The following UBE3A variants were observed in gnomAD, a reference collection of about 807,000 sequenced individuals.
UBE3A encodes ubiquitin-protein ligase E3A.
A neutral mutation model predicts 83.4 loss-of-function variants in UBE3A; 6 were observed. The ratio of observed to expected loss-of-function variants is 0.07; its 90% CI spans 0.04 to 0.14. UBE3A has a LOEUF of 0.14. Among genes scored for constraint, UBE3A ranks in the 10% least tolerant of loss-of-function variants. UBE3A has a pLI of 1.00. For synonymous variants in UBE3A, 337 were observed against 355.4 expected (o/e 0.95, Z 0.58); for missense variants, 456 against 1,036.1 (o/e 0.44, Z 7.69).
At chr15:25,341,045 CAT>C (rs1430298186) in intron 11 of UBE3A, among the ~76,000 whole-genome samples, 10 of 152,098 alleles carry the variant, frequency 6.6e-5, no homozygotes, top group Non-Finnish European at 1.0e-4. Flanking sequence ...ATCTATAAAA[CAT>C]ATATACACTA....
intron 1 of UBE3A, among the ~76,000 whole-genome samples, chr15:25,427,941 G>A (rs1165653737): frequency 2.6e-5 from 4 of 152,018 alleles, no homozygotes; most frequent in East Asian, 1.9e-4. Flanking sequence ...GCAGGAACAC[G>A]GATGGAACAA....
intron 4 of UBE3A, among the ~76,000 whole-genome samples, chr15:25,395,446 T>A (rs577685596): frequency 6.6e-6 from 1 of 152,058 alleles, no homozygotes; most frequent in Admixed American, 6.6e-5. Context: ...TTAAAAAAAA[T>A]AAAATGAATT....
intron 11 of UBE3A, among the ~76,000 whole-genome samples, chr15:25,353,342 C>G (rs1486188171): frequency 6.6e-6 from 1 of 152,166 alleles, no homozygotes; most frequent in Non-Finnish European, 1.5e-5. Flanking sequence ...AAGTAACATA[C>G]AGCCATCCCT....
chr15:25,392,873 AT>A (rs2152968207), intron 4 of UBE3A, among the ~76,000 whole-genome samples: 1 of 152,346 alleles, frequency 6.6e-6, no homozygotes, highest in Admixed American at 6.5e-5. Flanking sequence ...CTCAATAGCC[AT>A]GATAAGTAAT....
chr15:25,385,188 TTC>T (rs2082893664), intron 4 of UBE3A, among the ~76,000 whole-genome samples: 2 of 152,106 alleles, frequency 1.3e-5, no homozygotes, highest in Admixed American at 1.3e-4. Flanking sequence ...GAGAAAATAT[TTC>T]TATACCATGT....
chr15:25,418,666 G>A (rs1335537528), intron 1 of UBE3A: 1 of 152,076 alleles, frequency 6.6e-6, no homozygotes, highest in African/African-American at 2.4e-5. Context: ...TCTGGCAAAG[G>A]TGTATACATT....
chr15:25,436,502 C>T (rs1293565497), intron 1 of UBE3A, among the ~76,000 whole-genome samples: 4 of 152,082 alleles, frequency 2.6e-5, no homozygotes, highest in Admixed American at 2.6e-4. Context: ...CTGACTGACA[C>T]TGAGAGAAAC....
intron 4 of UBE3A, among the ~76,000 whole-genome samples, chr15:25,385,091 C>T (rs2082873118): frequency 6.6e-6 from 1 of 152,068 alleles, no homozygotes. Flanking sequence ...GCAACCAAAG[C>T]AAAAATAGAC....
At chr15:25,394,448 T>C (rs1596078695) in intron 4 of UBE3A, among the ~76,000 whole-genome samples, 1 of 152,202 alleles carries the variant, frequency 6.6e-6, no homozygotes. Flanking sequence ...GAACCACTTA[T>C]TTGATTAAAG....
chr15:25,429,868 G>A (rs113921600), intron 1 of UBE3A, among the ~76,000 whole-genome samples: 6 of 149,364 alleles, frequency 4.0e-5, no homozygotes, highest in African/African-American at 1.5e-4. Context: ...AGCCGGGCGT[G>A]GTAGTGCACA....
rs2077999474 is a variant in UBE3A, at chr15:25,361,096, G to A, written c.1609-569C>T. Among the ~76,000 whole-genome samples the A allele has an allele frequency of 2.6e-5, 4 of 151,158 alleles. No homozygotes were observed. The East Asian group carries it at 7.8e-4, about 30-fold the overall frequency. ...TATATCCACATTTCCTTAAAAACAG[G>A]TGAGACATAACCTTACTCATGTCCT... On this transcript the variant is annotated intron_variant, in intron 6 of 12. Transcript: ENST00000648336.
At chr15:25,367,244 T>TTAA (rs1566941669) in intron 6 of UBE3A, among the ~76,000 whole-genome samples, 1 of 78,132 alleles carries the variant, frequency 1.3e-5, no homozygotes, top group Admixed American at 1.1e-4. Context: ...AATATGTAAA[T>TTAA]ATTTGCATAT....
rs376335924 is a variant in UBE3A, at chr15:25,337,991, A to ATAGTT, written c.*1141_*1145dup. 164 of 152,238 alleles carry ATAGTT rather than the reference A, an allele frequency of 1.1e-3. No homozygotes were observed. Among genetic ancestry groups the ATAGTT allele is most frequent in the African/African-American group, 3.9e-3 (161 of 41,558 alleles). 9.4% of individuals were successfully genotyped at this position (152,238 alleles called of 1,614,324 possible). On this transcript the variant is annotated 3_prime_UTR_variant, in exon 13 of 13. Coordinates refer to ENST00000648336, the MANE Select transcript of UBE3A (RefSeq NM_130839.5). ...CTATACAATGTAATTCTTAGGAGTA[A>ATAGTT]TAGTTTCATTCATTTCCAGGTCAGC... is the stretch of plus-strand genomic sequence containing the variant.
At chr15:25,364,124 G>A (rs1300576710) in intron 6 of UBE3A, among the ~76,000 whole-genome samples, 1 of 151,950 alleles carries the variant, frequency 6.6e-6, no homozygotes, top group Non-Finnish European at 1.5e-5. Context: ...TACTTGGGAG[G>A]CTGAGGTGGG....
chr15:25,374,106 AC>A (rs1481730822), intron 5 of UBE3A: 4 of 152,226 alleles, frequency 2.6e-5, no homozygotes, highest in African/African-American at 7.2e-5. Flanking sequence ...TTTCCAATAT[AC>A]AATAGTAACT....
chr15:25,403,828 G>A (rs1225025457), intron 4 of UBE3A, among the ~76,000 whole-genome samples: 1 of 152,118 alleles, frequency 6.6e-6, no homozygotes, highest in African/African-American at 2.4e-5. Context: ...ATGACACTGC[G>A]AAGTAAAATA....
intron 1 of UBE3A, among the ~76,000 whole-genome samples, chr15:25,424,865 A>G (rs1223724027): frequency 6.6e-6 from 1 of 152,208 alleles, no homozygotes; most frequent in Admixed American, 6.5e-5. Context: ...AAATTAAAGA[A>G]CACCTTAATA....
chr15:25,370,410 G>A lies in UBE3A; in HGVS notation c.1608+156C>T, dbSNP rs1389594723. On this transcript the variant is annotated intron_variant, in intron 6 of 12. Transcript: ENST00000648336. This position sits in a 1 kb window ranked among gnomAD's most constrained non-coding sequence, Gnocchi z 4.2. ...TAGAACACATCTATAAACTTGCACA[G>A]GAACAACAAAAGTATAATACTTATA... Among the ~76,000 whole-genome samples, 1 of 152,070 alleles carries A rather than the reference G, an allele frequency of 6.6e-6. No homozygotes were observed. The highest frequency in any genetic ancestry group is 1.5e-5 in the Non-Finnish European group (1 of 67,992).
At position 25,334,210 on chromosome 15, in the gene UBE3A, A is replaced by G. The variant is rs1257117451; in HGVS notation, c.*4927T>C. ...GCAAAAAATACTAAGTGACAAAAAA[A>G]GAATTTTAGAAAAGCTACAATATAC... On this transcript the variant is annotated 3_prime_UTR_variant, in exon 13 of 13. Transcript: ENST00000648336. The G allele has an allele frequency of 6.6e-6, 1 of 152,220 alleles. No homozygotes were observed. The highest frequency in any genetic ancestry group is 1.5e-5 in the Non-Finnish European group (1 of 68,040). 9.4% of individuals were successfully genotyped at this position (152,220 alleles called of 1,614,324 possible). A position where few individuals can be genotyped will look rare whatever the true frequency, so the allele number is the denominator to read the frequency against.
Sources: gnomAD v4.1 joint callset for allele counts (sites outside exome capture counted in the v4.1 genomes callset) on GRCh38, gnomAD v4.1.1 for gene constraint, Gnocchi (gnomAD v3.1) non-coding constraint, MANE v1.5 for transcripts, NCBI Gene and HGNC (gene_info 2026-07-23, HGNC 2026-07-21) for gene names.